Variants in RIC1 observed in about 807,000 individuals in gnomAD.
RIC1 encodes guanine nucleotide exchange factor subunit RIC1.
Under a neutral mutation model 169.0 loss-of-function variants are expected in RIC1, and 88 were observed. That is an observed-to-expected ratio of 0.52 (90% CI 0.44 to 0.62). The LOEUF (loss-of-function observed/expected upper bound fraction) is 0.62, where lower values mean the gene tolerates loss of function less well. Ranked by LOEUF, RIC1 falls within the 20% of genes least tolerant of loss-of-function variation. The pLI is 0.00. For missense variants in RIC1, 1,877 were observed against 1,725.5 expected, an observed-to-expected ratio of 1.09 and a Z score of -1.56; for synonymous variants, 790 against 601.5, an observed-to-expected ratio of 1.31 and a Z score of -4.59.
At chr9:5,630,299 T>TG (rs1412214711) in intron 1 of RIC1, among the ~76,000 whole-genome samples, 50 of 152,232 alleles carry the variant, frequency 3.3e-4, no homozygotes, top group African/African-American at 1.2e-3. Context: ...ACTTTGTCTA[T>TG]GAGAACGACA....
At position 5,629,394 on chromosome 9, in the gene RIC1, C is replaced by G; in HGVS notation, c.85C>G (p.Pro29Ala). 1 of 1,534,612 alleles carries G rather than the reference C, an allele frequency of 6.5e-7. No individual in the cohort carries two copies. Among genetic ancestry groups the G allele is most frequent in the Non-Finnish European group, 8.7e-7 (1 of 1,146,286 alleles). ...AEAPFHVQSD[P>A]QRAFFAVLAA... ...GGCGCCTTTCCACGTTCAGTCCGACCCGCAGAGGGCTTTCTTCGCCGTGCT... is the reference window on the plus strand; with the variant it reads ...GGCGCCTTTCCACGTTCAGTCCGACGCGCAGAGGGCTTTCTTCGCCGTGCT... The change falls in exon 1 of 26, where the codon CCG becomes GCG. Residue 29 changes from proline to alanine, a missense_variant. By Grantham distance (27) the Pro-to-Ala change is conservative. This residue lies in a region of RIC1 where 1,104 missense variants were observed against 992.0 expected (regional missense o/e 1.11). Coordinates refer to ENST00000414202, the MANE Select transcript of RIC1 (RefSeq NM_020829.4).
intron 3 of RIC1, among the ~76,000 whole-genome samples, chr9:5,691,287 A>T (rs1821578490): frequency 6.6e-6 from 1 of 151,972 alleles, no homozygotes; most frequent in African/African-American, 2.4e-5. Flanking sequence ...CAAAATCTAG[A>T]GCAATACAGT....
Position 5,775,485 on chromosome 9 carries a change from CA to C in RIC1, c.*1241del, listed in dbSNP as rs746446421. 2.0e-5 allele frequency: 3 copies of C among 152,084 alleles called. No individual in the cohort carries two copies. The highest frequency in any genetic ancestry group is 4.4e-5 in the Non-Finnish European group (3 of 68,000). The allele number at this position is 152,084 out of a possible 1,614,324, so 9.4% of individuals were successfully genotyped here. A position where few individuals can be genotyped will look rare whatever the true frequency, so the allele number is the denominator to read the frequency against. On this transcript the variant is annotated 3_prime_UTR_variant, in exon 26 of 26. Transcript: ENST00000414202. ...TACTGTGCAATTTGAACAAGGAATG[CA>C]ATGTTATTTTTTACAAAAAACAAAC...
chr9:5,754,718 G>A, intron 14 of RIC1, 123 bp from the exon 15 acceptor site: 1 of 552,070 alleles, frequency 1.8e-6, no homozygotes, highest in Non-Finnish European at 3.0e-6. Context: ...GTGACAGAGT[G>A]AGACTGTCTC....
intron 4 of RIC1, among the ~76,000 whole-genome samples, chr9:5,714,725 G>A (rs1823130018): frequency 6.6e-6 from 1 of 152,122 alleles, no homozygotes; most frequent in Non-Finnish European, 1.5e-5. Flanking sequence ...GTTTTTAAAA[G>A]GGAGATGAGG....
intron 2 of RIC1, among the ~76,000 whole-genome samples, chr9:5,678,023 G>T (rs1189516734): frequency 3.4e-5 from 5 of 146,998 alleles, no homozygotes; most frequent in Non-Finnish European, 7.4e-5. Flanking sequence ...ACAGTCCCCA[G>T]TGTGTGATGT....
intron 2 of RIC1, among the ~76,000 whole-genome samples, chr9:5,669,126 T>C (rs1292814552): frequency 6.6e-6 from 1 of 152,222 alleles, no homozygotes; most frequent in Non-Finnish European, 1.5e-5. Context: ...TTTCTTCTGA[T>C]GGGTGGTCTC....
intron 17 of RIC1, among the ~76,000 whole-genome samples, chr9:5,759,668 C>G (rs866679545): frequency 6.6e-6 from 1 of 152,102 alleles, no homozygotes; most frequent in Non-Finnish European, 1.5e-5. Context: ...GGATGTGATA[C>G]TAGCATTGTA....
intron 12 of RIC1, among the ~76,000 whole-genome samples, chr9:5,749,684 C>T (rs570325994): frequency 6.9e-5 from 10 of 144,392 alleles, no homozygotes; most frequent in Non-Finnish European, 1.3e-4. Flanking sequence ...TTCTATGTTA[C>T]TTATGATTTT....
chr9:5,675,197 G>T (rs981828421), intron 2 of RIC1, among the ~76,000 whole-genome samples: 1 of 152,186 alleles, frequency 6.6e-6, no homozygotes, highest in Non-Finnish European at 1.5e-5. Context: ...AATTTAAAGA[G>T]AGTGACTGGG....
chr9:5,755,171 C>G (rs1014516732), intron 15 of RIC1, among the ~76,000 whole-genome samples: 2 of 152,074 alleles, frequency 1.3e-5, no homozygotes, highest in Non-Finnish European at 2.9e-5. Context: ...CGGACATTCC[C>G]TATGGAGTTT....
At chr9:5,662,522 A>G (rs1819517181) in intron 2 of RIC1, among the ~76,000 whole-genome samples, 2 of 150,084 alleles carry the variant, frequency 1.3e-5, no homozygotes, top group Non-Finnish European at 3.0e-5. Flanking sequence ...AGGACTCATT[A>G]TTGGTCTATT....
At position 5,757,452 on chromosome 9, in the gene RIC1, G is replaced by T; in HGVS notation, c.1992+1G>T. The T allele has an allele frequency of 6.2e-7, 1 of 1,613,830 alleles. No homozygotes were observed. ...AATCACCTTGAAAATGCCACAGCAG[G>T]TACCACTCCATTATCAAAGGTCTTT... On this transcript the variant is annotated splice_donor_variant, in intron 17 of 25. Transcript: ENST00000414202. LOFTEE classifies it high-confidence loss of function.
Position 5,774,369 on chromosome 9 carries a change from T to A in RIC1, c.*123T>A, listed in dbSNP as rs1240631349. 2 of 744,374 alleles carry A rather than the reference T, an allele frequency of 2.7e-6. No individual in the cohort carries two copies. The highest frequency in any genetic ancestry group is 2.0e-6 in the Non-Finnish European group (1 of 490,556). 46.1% of individuals were successfully genotyped at this position (744,374 alleles called of 1,614,324 possible). A position where few individuals can be genotyped will look rare whatever the true frequency, so the allele number is the denominator to read the frequency against. ...TCAGAGACTCTTCGGTAAGTATTAG[T>A]AGATTTTAACTAATTCTTTCTTGTC... On this transcript the variant is annotated 3_prime_UTR_variant, in exon 26 of 26. Coordinates refer to ENST00000414202, the MANE Select transcript of RIC1 (RefSeq NM_020829.4).
rs369146757 is a variant in RIC1, at chr9:5,774,009, C to T, written c.4035C>T (p.Leu1345=). The change falls in exon 26 of 26, where the codon CTC becomes CTT. Residue 1345 remains leucine, a synonymous_variant. Transcript: ENST00000414202. ...TCATTAAGCCACAACTGCAGAAGCT[C>T]AGTGAGATAACAGAAGAGCAGGTCC... The part of the protein sequence containing the change: ...LNIIKPQLQK[L]SEITEEQVQP... 3.1e-6 allele frequency: 5 copies of T among 1,613,612 alleles called. No individual in the cohort carries two copies. In the East Asian group the frequency reaches 1.1e-4, roughly 36 times the overall value.
chr9:5,679,785 G>A (rs372942976), intron 2 of RIC1, among the ~76,000 whole-genome samples: 77 of 152,258 alleles, frequency 5.1e-4, no homozygotes, highest in African/African-American at 1.7e-3. Flanking sequence ...GTCATCTGCA[G>A]ACAGGGACAA....
downstream of RIC1, among the ~76,000 whole-genome samples, chr9:5,777,684 A>G (rs1200965514): frequency 2.6e-5 from 4 of 152,280 alleles, no homozygotes; most frequent in East Asian, 3.9e-4. Context: ...TATGATATGA[A>G]AGAGAGATCT....
chr9:5,728,860 G>T (rs760157813), intron 6 of RIC1, among the ~76,000 whole-genome samples: 56 of 152,084 alleles, frequency 3.7e-4, no homozygotes, highest in Non-Finnish European at 1.9e-4. Flanking sequence ...TATGGATTTG[G>T]CTGCTGTGAC....
chr9:5,756,671 A>G (rs1826035683), intron 16 of RIC1, among the ~76,000 whole-genome samples: 1 of 152,104 alleles, frequency 6.6e-6, no homozygotes, highest in South Asian at 2.1e-4. Flanking sequence ...ATAAATGGTT[A>G]CTGACTCTCC....
Sources: gnomAD v4.1 joint callset for allele counts (sites outside exome capture counted in the v4.1 genomes callset) on GRCh38, gnomAD v4.1.1 for gene constraint, gnomAD v4.1.1 regional missense constraint, MANE v1.5 for transcripts, NCBI Gene and HGNC (gene_info 2026-07-23, HGNC 2026-07-21) for gene names.